Variants in ACSF3 observed in about 807,000 individuals in gnomAD.
The protein encoded by ACSF3 is acyl-CoA synthetase family member 3, also known as malonate--CoA ligase ACSF3, mitochondrial.
A neutral mutation model predicts 53.2 loss-of-function variants in ACSF3; 78 were observed. That is an observed-to-expected ratio of 1.47 (90% CI 1.22 to 1.77). The LOEUF (loss-of-function observed/expected upper bound fraction) is 1.77. Among genes scored for constraint, ACSF3 ranks in the 40% most tolerant of loss-of-function variants. The pLI is 0.00. For synonymous variants in ACSF3, 414 were observed against 333.1 expected, an observed-to-expected ratio of 1.24 and a Z score of -2.65; for missense variants, 937 against 771.1, an observed-to-expected ratio of 1.22 and a Z score of -2.55.
In ACSF3 at chr16:89,139,784, G is replaced by C. The variant is rs145942821; in HGVS notation, c.1367-5483G>C. On this transcript the variant is annotated intron_variant, in intron 8 of 10. Transcript: ENST00000614302. ...TGATTTTTGTATTTTTAGTAGAGAC[G>C]GGGTTTCACCATGTTGGCCAGGATG... Among the ~76,000 whole-genome samples the C allele has an allele frequency of 9.9e-5, 15 of 151,888 alleles. No homozygotes were observed. In the East Asian group the frequency reaches 2.9e-3, roughly 29 times the overall value.
intron 6 of ACSF3, among the ~76,000 whole-genome samples, chr16:89,118,448 C>T (rs570600638): frequency 3.7e-4 from 56 of 152,390 alleles, no homozygotes; most frequent in African/African-American, 1.3e-3. Context: ...TTTCCTCACT[C>T]TCAGGCTCTA....
chr16:89,132,168 T>C (rs1909470094), intron 7 of ACSF3, among the ~76,000 whole-genome samples: 1 of 152,242 alleles, frequency 6.6e-6, no homozygotes, highest in African/African-American at 2.4e-5. Context: ...CGCAGCTACT[T>C]CCCTGGCCCC....
chr16:89,146,066 CGGG>C lies in ACSF3; in HGVS notation c.1613+18_1613+20del. ...GTGGGCCAGGTAGGGCTGGGTGGGG[CGGG>C]CAGGGAGCACTCATGGGGTCTTGGG... On this transcript the variant is annotated intron_variant, in intron 10 of 10. Coordinates refer to ENST00000614302, the MANE Select transcript of ACSF3 (RefSeq NM_001243279.3). 9.1e-6 allele frequency: 4 copies of C among 440,114 alleles called. No homozygotes were observed. The highest frequency in any genetic ancestry group is 1.8e-5 in the Non-Finnish European group (4 of 217,686). 27.3% of individuals were successfully genotyped at this position (440,114 alleles called of 1,614,324 possible). A position where few individuals can be genotyped will look rare whatever the true frequency, so the allele number is the denominator to read the frequency against.
chr16:89,146,677 C>G (rs981929412), intron 10 of ACSF3, among the ~76,000 whole-genome samples: 1 of 152,228 alleles, frequency 6.6e-6, no homozygotes, highest in Non-Finnish European at 1.5e-5. Flanking sequence ...GGGCCTGTTC[C>G]TCAGCGGTGG....
intron 4 of ACSF3, among the ~76,000 whole-genome samples, chr16:89,105,628 C>G (rs959271814): frequency 5.3e-5 from 8 of 152,222 alleles, no homozygotes. Flanking sequence ...ACCTGCCCCA[C>G]CTTGGCCTCT....
intron 8 of ACSF3, among the ~76,000 whole-genome samples, chr16:89,137,532 G>A (rs12921471): frequency 3.7e-5 from 5 of 133,856 alleles, no homozygotes; most frequent in Admixed American, 7.2e-5. Context: ...AGGAGCTCAC[G>A]GGGAAAGATT....
At chr16:89,096,675 C>T (rs928152090) in intron 1 of ACSF3, among the ~76,000 whole-genome samples, 11 of 152,166 alleles carry the variant, frequency 7.2e-5, no homozygotes, top group Non-Finnish European at 1.0e-4. Context: ...TGTGACTTCC[C>T]GGCATCTGTG....
chr16:89,155,628 C>T lies in ACSF3; in HGVS notation c.*1421C>T. 1 of 454,100 alleles carries T rather than the reference C, an allele frequency of 2.2e-6. No homozygotes were observed. The highest frequency in any genetic ancestry group is 4.4e-6 in the Non-Finnish European group (1 of 226,742). The allele number at this position is 454,100 out of a possible 1,614,324, so 28.1% of individuals were successfully genotyped here. A position where few individuals can be genotyped will look rare whatever the true frequency, so the allele number is the denominator to read the frequency against. ...AGGGGTCCCGCCCTCCCGCCAGAGG[C>T]CTGGACCCAAGGGAACGGCAGTCAG... On this transcript the variant is annotated 3_prime_UTR_variant, in exon 11 of 11. Transcript: ENST00000614302.
chr16:89,123,025 C>T (rs545547431), intron 7 of ACSF3, among the ~76,000 whole-genome samples: 1 of 152,328 alleles, frequency 6.6e-6, no homozygotes, highest in East Asian at 1.9e-4. Flanking sequence ...CAAGGTGAAG[C>T]CGCACAGATG....
intron 2 of ACSF3, 58 bp from the exon 3 acceptor site, chr16:89,100,604 T>C: frequency 6.6e-7 from 1 of 1,504,120 alleles, no homozygotes; most frequent in Non-Finnish European, 8.9e-7. Flanking sequence ...AATCCTGTCT[T>C]GGCCACGTTT....
chr16:89,136,054 C>T (rs901452806), intron 8 of ACSF3, among the ~76,000 whole-genome samples: 3 of 152,258 alleles, frequency 2.0e-5, no homozygotes, highest in East Asian at 1.9e-4. Context: ...GGATTGCAGG[C>T]GTCAGCCACT....
chr16:89,140,281 G>T (rs1911493860), intron 8 of ACSF3, among the ~76,000 whole-genome samples: 1 of 152,172 alleles, frequency 6.6e-6, no homozygotes, highest in South Asian at 2.1e-4. Context: ...AGGTGCCCCG[G>T]GGTAACTGGT....
chr16:89,107,348 C>G (rs1021173638), intron 4 of ACSF3, among the ~76,000 whole-genome samples: 1 of 152,208 alleles, frequency 6.6e-6, no homozygotes, highest in Non-Finnish European at 1.5e-5. Context: ...TCAGCCTTGT[C>G]CCGTTGCGTG....
At chr16:89,115,805 T>A (rs990632904) in intron 6 of ACSF3, among the ~76,000 whole-genome samples, 1 of 152,198 alleles carries the variant, frequency 6.6e-6, no homozygotes, top group Non-Finnish European at 1.5e-5. Context: ...TGGGTGGCGT[T>A]GAGCACCTCT....
At position 89,154,748 on chromosome 16, in the gene ACSF3, A is replaced by AT. The variant is rs1914532646; in HGVS notation, c.*544dup. The AT allele has an allele frequency of 2.2e-6, 1 of 453,892 alleles. No individual in the cohort carries two copies. Among genetic ancestry groups the AT allele is most frequent in the African/African-American group, 2.0e-5 (1 of 49,940 alleles). The allele number at this position is 453,892 out of a possible 1,614,324, so 28.1% of individuals were successfully genotyped here. On this transcript the variant is annotated 3_prime_UTR_variant, in exon 11 of 11. Coordinates refer to ENST00000614302, the MANE Select transcript of ACSF3 (RefSeq NM_001243279.3). The stretch of plus-strand genomic sequence containing the variant: ...CAGCCCTGTCCCATGGGTTCCGTGC[A>AT]TTTCCTGGTGCTGCTCTTGGAGGAG...
intron 10 of ACSF3, among the ~76,000 whole-genome samples, chr16:89,146,762 T>C (rs1286611619): frequency 6.6e-6 from 1 of 152,170 alleles, no homozygotes; most frequent in Non-Finnish European, 1.5e-5. Flanking sequence ...CCCCAAGGAC[T>C]TTCTCCCACC....
chr16:89,145,699 G>T (rs1912798571), intron 9 of ACSF3, among the ~76,000 whole-genome samples: 1 of 152,236 alleles, frequency 6.6e-6, no homozygotes, highest in Non-Finnish European at 1.5e-5. Flanking sequence ...AGAGCCAAGG[G>T]GCGGGAAGGC....
chr16:89,143,958 A>C (rs1353048507), intron 8 of ACSF3, among the ~76,000 whole-genome samples: 5 of 152,208 alleles, frequency 3.3e-5, no homozygotes, highest in Non-Finnish European at 7.3e-5. Flanking sequence ...CTAATAACCC[A>C]TGTGGAGTGC....
At chr16:89,136,279 A>G (rs952529094) in intron 8 of ACSF3, among the ~76,000 whole-genome samples, 1 of 152,204 alleles carries the variant, frequency 6.6e-6, no homozygotes, top group African/African-American at 2.4e-5. Context: ...AATCACATGC[A>G]TTAATTATTG....
Sources: allele counts gnomAD v4.1 joint callset (sites outside exome capture counted in the v4.1 genomes callset), GRCh38; gene constraint gnomAD v4.1.1; transcripts MANE v1.5; gene names NCBI Gene and HGNC (gene_info 2026-07-23, HGNC 2026-07-21).